The following CDH17 variants were observed in gnomAD, a reference collection of about 807,000 sequenced individuals.
CDH17 encodes cadherin-17.
A neutral mutation model predicts 86.3 loss-of-function variants in CDH17; 67 were observed. The observed-to-expected ratio is 0.78, with a 90% CI of 0.64 to 0.95. The LOEUF is 0.95. Ranked by LOEUF, CDH17 falls within the 40% of genes least tolerant of loss-of-function variation. The pLI is 0.00. For missense variants in CDH17, 993 were observed against 1,017.6 expected, an observed-to-expected ratio of 0.98 and a Z score of 0.33; for synonymous variants, 367 against 366.4, an observed-to-expected ratio of 1.00 and a Z score of -0.02.
chr8:94,153,159 C>A (rs1201760834), intron 12 of CDH17, among the ~76,000 whole-genome samples: 1 of 152,156 alleles, frequency 6.6e-6, no homozygotes, highest in African/African-American at 2.4e-5. Flanking sequence ...ATAAGGAACT[C>A]AAACAACTCA....
At chr8:94,199,133 A>C (rs900416842) in intron 1 of CDH17, among the ~76,000 whole-genome samples, 2 of 147,678 alleles carry the variant, frequency 1.4e-5, no homozygotes, top group Admixed American at 6.8e-5. Flanking sequence ...ACTATTAAAT[A>C]AAATCCTTAA....
At chr8:94,143,357 G>A (rs1473418816) in intron 15 of CDH17, among the ~76,000 whole-genome samples, 4 of 152,220 alleles carry the variant, frequency 2.6e-5, no homozygotes, top group African/African-American at 7.2e-5. Context: ...CAGATGTGCT[G>A]TCATCTGGGC....
At position 94,158,903 on chromosome 8, in the gene CDH17, G is replaced by A. The variant is rs74747373; in HGVS notation, c.1551+1068C>T. ...TTATTCTATTTTGTCTTCATTTTTA[G>A]CCTCTTTCAGTTTTCTTTTATTCTG... On this transcript the variant is annotated intron_variant, in intron 12 of 17. Coordinates refer to ENST00000027335, the MANE Select transcript of CDH17 (RefSeq NM_004063.4). Among the ~76,000 whole-genome samples the A allele has an allele frequency of 5.2e-3, 793 of 152,158 alleles. 7 individuals are homozygous for A. The highest frequency in any genetic ancestry group is 9.8e-3 in the Non-Finnish European group (664 of 68,012).
At chr8:94,184,666 G>A (rs183091880) in intron 3 of CDH17, among the ~76,000 whole-genome samples, 105 of 152,084 alleles carry the variant, frequency 6.9e-4, no homozygotes, top group African/African-American at 2.1e-3. Flanking sequence ...ATATTTGCAC[G>A]TCTTTTTAGA....
chr8:94,156,278 CA>C (rs1387436108), intron 12 of CDH17, among the ~76,000 whole-genome samples: 1 of 152,164 alleles, frequency 6.6e-6, no homozygotes, highest in Non-Finnish European at 1.5e-5. Flanking sequence ...CTGATGATAT[CA>C]AAGTGTGCAC....
chr8:94,199,461 A>T (rs1813862545), intron 1 of CDH17, among the ~76,000 whole-genome samples: 1 of 148,378 alleles, frequency 6.7e-6, no homozygotes, highest in African/African-American at 2.5e-5. Context: ...TCTTGAACTA[A>T]TTTTTTTTTT....
At position 94,127,571 on chromosome 8, in the gene CDH17, T is replaced by C. The variant is rs2130557888; in HGVS notation, c.*669A>G. ...TCTCTGACAAATGTTTGAAATTCAG[T>C]GAAATACCAAAGGAGTCAAGGATGA... On this transcript the variant is annotated 3_prime_UTR_variant, in exon 18 of 18. Transcript: ENST00000027335. The C allele has an allele frequency of 6.6e-6, 1 of 152,266 alleles. No homozygotes were observed. The highest frequency in any genetic ancestry group is 1.5e-5 in the Non-Finnish European group (1 of 68,018). 9.4% of individuals were successfully genotyped at this position (152,266 alleles called of 1,614,324 possible).
At chr8:94,199,312 A>C (rs956206341) in intron 1 of CDH17, among the ~76,000 whole-genome samples, 1 of 151,990 alleles carries the variant, frequency 6.6e-6, no homozygotes, top group Non-Finnish European at 1.5e-5. Flanking sequence ...TGATATATTA[A>C]AGGAAACTCA....
At chr8:94,194,035 G>A (rs1220345498) in intron 2 of CDH17, among the ~76,000 whole-genome samples, 4 of 151,850 alleles carry the variant, frequency 2.6e-5, no homozygotes, top group Non-Finnish European at 5.9e-5. Context: ...AACCTCAGCA[G>A]TCACGTAGAT....
chr8:94,195,777 T>C (rs75667922), intron 1 of CDH17, among the ~76,000 whole-genome samples: 1 of 118,280 alleles, frequency 8.5e-6, no homozygotes, highest in East Asian at 2.1e-4. Context: ...TTTTTTTTTT[T>C]GGAGACAGAG....
At chr8:94,210,226 T>TAAAAAAAA (rs71567010), upstream of CDH17, among the ~76,000 whole-genome samples, 18 of 53,458 alleles carry the variant, frequency 3.4e-4, 1 homozygote, top group South Asian at 2.4e-3. Context: ...TTTATGCGAG[T>TAAAAAAAA]AAAAAAAAAA....
At chr8:94,148,711 CTT>C in intron 14 of CDH17, 31 bp downstream of exon 14, 1 of 1,345,882 alleles carries the variant, frequency 7.4e-7, no homozygotes, top group South Asian at 1.5e-5. Flanking sequence ...ATCTGTGTTC[CTT>C]TTTTTTTGTT....
chr8:94,134,407 T>G (rs570812627), intron 15 of CDH17, among the ~76,000 whole-genome samples: 3 of 152,336 alleles, frequency 2.0e-5, no homozygotes, highest in East Asian at 3.9e-4. Context: ...TCCAGGAATT[T>G]ATCCATTTCT....
Position 94,165,601 on chromosome 8 carries a change from G to GTT in CDH17, c.1282+158_1282+159dup, listed in dbSNP as rs879229583. ...GAGCTGCAGCTCCGGCCTTTACAGT[G>GTT]TTCAACCAGCTATCTCTGTGTTATG... On this transcript the variant is annotated intron_variant, in intron 10 of 17. Coordinates refer to ENST00000027335, the MANE Select transcript of CDH17 (RefSeq NM_004063.4). Among the ~76,000 whole-genome samples, 39 of 151,644 alleles carry GTT rather than the reference G, an allele frequency of 2.6e-4. No individual in the cohort carries two copies. The South Asian group carries it at 7.7e-3, about 30-fold the overall frequency.
At chr8:94,145,136 C>T (rs773190517) in intron 15 of CDH17, among the ~76,000 whole-genome samples, 5 of 152,208 alleles carry the variant, frequency 3.3e-5, no homozygotes, top group Non-Finnish European at 5.9e-5. Flanking sequence ...TATGACCCAG[C>T]CATTCCACTC....
chr8:94,148,534 T>A (rs1484616872), intron 14 of CDH17, among the ~76,000 whole-genome samples: 3 of 90,280 alleles, frequency 3.3e-5, no homozygotes, highest in East Asian at 7.5e-4. Context: ...AGAGCAAGAC[T>A]CCATCTCAAA....
chr8:94,145,982 A>C lies in CDH17; in HGVS notation c.2113T>G (p.Phe705Val). 1 of 1,613,890 alleles carries C rather than the reference A, an allele frequency of 6.2e-7. No individual in the cohort carries two copies. The highest frequency in any genetic ancestry group is 8.5e-7 in the Non-Finnish European group (1 of 1,179,904). ...QHLFRGPHFT[F>V]SLGSGSLQND... The stretch of plus-strand genomic sequence containing the variant: ...TGTAAGCTTCCACTGCCGAGGGAAA[A>C]TGTAAAATGGGGACCCCGAAATAAG... Residue 705 changes from phenylalanine (F) to valine (V), a missense_variant, in exon 15 of 18, where the codon TTT (phenylalanine) becomes GTT (valine). Coordinates refer to ENST00000027335, the MANE Select transcript of CDH17 (RefSeq NM_004063.4).
At chr8:94,139,893 AAAAAATAAAT>A (rs1234737246) in intron 15 of CDH17, among the ~76,000 whole-genome samples, 78 of 122,454 alleles carry the variant, frequency 6.4e-4, no homozygotes, top group African/African-American at 2.4e-3. Context: ...TCCAAAAAAT[AAAAAATAAAT>A]AAAAAAAAAG....
At chr8:94,147,996 A>G (rs1812777561) in intron 14 of CDH17, among the ~76,000 whole-genome samples, 1 of 152,222 alleles carries the variant, frequency 6.6e-6, no homozygotes, top group South Asian at 2.1e-4. Flanking sequence ...AGAACATTTC[A>G]TAAAACATTT....
Sources: allele counts gnomAD v4.1 joint callset (sites outside exome capture counted in the v4.1 genomes callset), GRCh38; gene constraint gnomAD v4.1.1; transcripts MANE v1.5; gene names NCBI Gene and HGNC (gene_info 2026-07-23, HGNC 2026-07-21).